Variants in NKAIN3 observed in about 807,000 individuals in gnomAD.
NKAIN3 encodes the protein sodium/potassium transporting ATPase interacting 3, also known as sodium/potassium-transporting ATPase subunit beta-1-interacting protein 3.
NKAIN3 carries 25 observed loss-of-function variants against 30.2 expected under a neutral mutation model. That is an observed-to-expected ratio of 0.83 (90% CI 0.60 to 1.16). The LOEUF (loss-of-function observed/expected upper bound fraction) is 1.16. Ranked by LOEUF, NKAIN3 falls within the 50% of genes most tolerant of loss-of-function variation. NKAIN3 has a pLI of 0.00. For synonymous variants in NKAIN3, 91 were observed against 89.6 expected (o/e 1.02, Z -0.09); for missense variants, 225 against 254.1 (o/e 0.89, Z 0.78).
intron 3 of NKAIN3, among the ~76,000 whole-genome samples, chr8:62,655,832 C>T (rs764640469): frequency 1.3e-5 from 2 of 151,708 alleles, no homozygotes; most frequent in African/African-American, 2.4e-5. Context: ...GGGTAGATCA[C>T]CTATGAAGAA....
chr8:62,668,338 A>G (rs1231111541), intron 3 of NKAIN3, among the ~76,000 whole-genome samples: 1 of 152,192 alleles, frequency 6.6e-6, no homozygotes, highest in Non-Finnish European at 1.5e-5. Context: ...TGAGAAATGG[A>G]AAGGATCCTT....
At chr8:62,808,556 A>G (rs1486197458) in intron 4 of NKAIN3, among the ~76,000 whole-genome samples, 1 of 152,140 alleles carries the variant, frequency 6.6e-6, no homozygotes, top group Non-Finnish European at 1.5e-5. Flanking sequence ...AGTACCAAAG[A>G]GAGAAATTTT....
At chr8:62,862,294 AT>A (rs1820271282) in intron 4 of NKAIN3, among the ~76,000 whole-genome samples, 1 of 152,258 alleles carries the variant, frequency 6.6e-6, no homozygotes, top group Admixed American at 6.5e-5. Flanking sequence ...GAAAGTAGTA[AT>A]TTAAAAAAAA....
chr8:62,451,199 C>T (rs1490736997), intron 1 of NKAIN3, among the ~76,000 whole-genome samples: 3 of 151,954 alleles, frequency 2.0e-5, no homozygotes, highest in Non-Finnish European at 2.9e-5. Flanking sequence ...AAGTGCTCAT[C>T]ATTGAATCGC....
intron 3 of NKAIN3, among the ~76,000 whole-genome samples, chr8:62,703,907 T>G (rs986199264): frequency 6.6e-6 from 1 of 152,228 alleles, no homozygotes; most frequent in Non-Finnish European, 1.5e-5. Flanking sequence ...TGTTTATGAC[T>G]GTTACCCTAC....
At chr8:62,635,800 A>G (rs1275602768) in intron 3 of NKAIN3, among the ~76,000 whole-genome samples, 1 of 152,162 alleles carries the variant, frequency 6.6e-6, no homozygotes, top group Non-Finnish European at 1.5e-5. Flanking sequence ...AAGCCACCAG[A>G]CCATGGTATT....
Position 62,499,167 on chromosome 8 carries a change from C to T in NKAIN3, c.55-80372C>T, listed in dbSNP as rs747632215. Reference sequence around the variant, plus strand: ...GAGGTAATAGCGGAAGAGGACTAGGCGTAAACTGCTGTGAATGTGAAAAGG... The same window carrying T: ...GAGGTAATAGCGGAAGAGGACTAGGTGTAAACTGCTGTGAATGTGAAAAGG... On this transcript the variant is annotated intron_variant, in intron 1 of 6. Transcript: ENST00000623646. Among the ~76,000 whole-genome samples, 5 of 152,136 alleles carry T rather than the reference C, an allele frequency of 3.3e-5. No individual in the cohort carries two copies. In the East Asian group the frequency reaches 9.6e-4, roughly 29 times the overall value.
At chr8:62,594,854 CCTT>C (rs1291313630) in intron 3 of NKAIN3, among the ~76,000 whole-genome samples, 79 of 150,412 alleles carry the variant, frequency 5.3e-4, no homozygotes, top group Non-Finnish European at 4.4e-5. Context: ...CTTTCCTTTC[CCTT>C]CTTCTTTTTT....
At chr8:62,265,803 A>G (rs1812583183) in intron 1 of NKAIN3, among the ~76,000 whole-genome samples, 1 of 152,184 alleles carries the variant, frequency 6.6e-6, no homozygotes, top group Non-Finnish European at 1.5e-5. Flanking sequence ...GAAATTTAAA[A>G]CAATTCAATA....
intron 5 of NKAIN3, among the ~76,000 whole-genome samples, chr8:62,992,960 G>T (rs1824352049): frequency 6.6e-6 from 1 of 152,134 alleles, no homozygotes; most frequent in South Asian, 2.1e-4. Flanking sequence ...GCTTTCTTGA[G>T]TACCTCACCT....
chr8:62,570,144 G>A (rs1809886628), intron 1 of NKAIN3, among the ~76,000 whole-genome samples: 1 of 152,110 alleles, frequency 6.6e-6, no homozygotes, highest in Non-Finnish European at 1.5e-5. Flanking sequence ...TTGTGAAGTT[G>A]AATCTCCAGG....
Position 62,447,963 on chromosome 8 carries a change from T to C in NKAIN3, c.55-131576T>C, listed in dbSNP as rs959575833. Among the ~76,000 whole-genome samples the C allele has an allele frequency of 2.0e-5, 3 of 151,972 alleles. No homozygotes were observed. In the South Asian group the frequency reaches 6.2e-4, roughly 31 times the overall value. ...GAGTACTTGATTAACACTTTGTTTG[T>C]TGGGGGAATAGAGAGTATTAGGTGT... On this transcript the variant is annotated intron_variant, in intron 1 of 6. Transcript: ENST00000623646.
At chr8:62,802,282 C>A (rs1818093919) in intron 4 of NKAIN3, among the ~76,000 whole-genome samples, 1 of 152,114 alleles carries the variant, frequency 6.6e-6, no homozygotes, top group Admixed American at 6.6e-5. Context: ...CACAAAGATA[C>A]TCCTCGAGAA....
chr8:62,715,073 T>A (rs1352759309), intron 3 of NKAIN3, among the ~76,000 whole-genome samples: 1 of 152,104 alleles, frequency 6.6e-6, no homozygotes, highest in Non-Finnish European at 1.5e-5. Context: ...AGGTACATTA[T>A]CAAATGGCAG....
chr8:62,363,016 A>G (rs966610104), intron 1 of NKAIN3, among the ~76,000 whole-genome samples: 2 of 152,188 alleles, frequency 1.3e-5, no homozygotes, highest in African/African-American at 4.8e-5. Flanking sequence ...AGTCTTGTCT[A>G]CCTATTAAGT....
chr8:62,693,055 TC>T (rs1292050411), intron 3 of NKAIN3, among the ~76,000 whole-genome samples: 1 of 152,202 alleles, frequency 6.6e-6, no homozygotes, highest in Non-Finnish European at 1.5e-5. Context: ...TCTCTTTCCC[TC>T]ATTTCTTACA....
chr8:62,919,227 A>AATTTTT (rs1822200709), intron 5 of NKAIN3, among the ~76,000 whole-genome samples: 2 of 47,186 alleles, frequency 4.2e-5, no homozygotes, highest in African/African-American at 1.8e-4. Flanking sequence ...TACTTTCAAA[A>AATTTTT]TTTTTTTTTT....
In NKAIN3 at chr8:62,979,030, T is replaced by A. The variant is rs1184294622; in HGVS notation, c.*13623T>A. 1 of 152,696 alleles carries A rather than the reference T, an allele frequency of 6.5e-6. No individual in the cohort carries two copies. Among genetic ancestry groups the A allele is most frequent in the African/African-American group, 2.4e-5 (1 of 41,394 alleles). The allele number at this position is 152,696 out of a possible 1,614,324, so 9.5% of individuals were successfully genotyped here. On this transcript the variant is annotated 3_prime_UTR_variant, in exon 7 of 7. Transcript: ENST00000623646. ...TGCCCCACCCTGCTTCTGCTTGCCC[T>A]CCGTGGGCTGCACCCACTGTCTAAC... is the stretch of plus-strand genomic sequence containing the variant.
chr8:62,341,213 A>T (rs1268865368), intron 1 of NKAIN3, among the ~76,000 whole-genome samples: 1 of 152,026 alleles, frequency 6.6e-6, no homozygotes, highest in African/African-American at 2.4e-5. Flanking sequence ...TGAGTTCAAC[A>T]GGCATTGTTT....
Sources: gnomAD v4.1 joint callset for allele counts (sites outside exome capture counted in the v4.1 genomes callset) on GRCh38, gnomAD v4.1.1 for gene constraint, MANE v1.5 for transcripts, NCBI Gene and HGNC (gene_info 2026-07-23, HGNC 2026-07-21) for gene names.